The following XPO1 variants were observed in gnomAD, a reference collection of about 807,000 sequenced individuals.
XPO1 encodes exportin 1.
A neutral mutation model predicts 133.3 loss-of-function variants in XPO1; 5 were observed. The ratio of observed to expected loss-of-function variants is 0.04; its 90% CI spans 0.02 to 0.08. XPO1 has a LOEUF of 0.08. XPO1 is among the 10% of genes least tolerant of loss of function. The probability of loss-of-function intolerance (pLI) is 1.00; values close to 1 mark genes in which losing one functional copy is unlikely to be tolerated. For synonymous variants in XPO1, 419 were observed against 408.2 expected, an observed-to-expected ratio of 1.03 and a Z score of -0.32; for missense variants, 506 against 1,267.5, an observed-to-expected ratio of 0.40 and a Z score of 9.12.
At chr2:61,479,880 T>C (rs1000991392) in intron 24 of XPO1, among the ~76,000 whole-genome samples, 1 of 151,268 alleles carries the variant, frequency 6.6e-6, no homozygotes, top group African/African-American at 2.4e-5. Context: ...TCTCTTTTCT[T>C]TTGAGAGGCA....
chr2:61,501,923 C>T, intron 6 of XPO1, 73 bp downstream of exon 6: 2 of 1,290,980 alleles, frequency 1.5e-6, no homozygotes, highest in Non-Finnish European at 2.2e-6. Flanking sequence ...ACTTTATTTC[C>T]TAAGTAGGTC....
intron 24 of XPO1, 121 bp downstream of exon 24, chr2:61,481,064 C>T (rs1696325141): frequency 8.7e-6 from 5 of 574,840 alleles, no homozygotes; most frequent in African/African-American, 1.9e-5. Flanking sequence ...ATTGTGTAAA[C>T]GTATTATCTT....
At chr2:61,495,213 A>G (rs1298700366) in intron 11 of XPO1, among the ~76,000 whole-genome samples, 1 of 152,160 alleles carries the variant, frequency 6.6e-6, no homozygotes, top group African/African-American at 2.4e-5. Flanking sequence ...AACCTTAGAA[A>G]TGATATAATA....
At chr2:61,524,567 C>A (rs1460403775) in intron 3 of XPO1, among the ~76,000 whole-genome samples, 1 of 152,204 alleles carries the variant, frequency 6.6e-6, no homozygotes, top group Non-Finnish European at 1.5e-5. Context: ...AAAATCCAAT[C>A]TCTCCCAGAC....
chr2:61,481,936 C>T (rs1696381022), intron 23 of XPO1, among the ~76,000 whole-genome samples: 1 of 150,866 alleles, frequency 6.6e-6, no homozygotes, highest in Non-Finnish European at 1.5e-5. Context: ...GGGGTTTCAC[C>T]ATCTTGGCCA....
Position 61,496,859 on chromosome 2 carries a change from T to G in XPO1, c.888+20A>C. 1 of 1,532,468 alleles carries G rather than the reference T, an allele frequency of 6.5e-7. No homozygotes were observed. The highest frequency in any genetic ancestry group is 8.8e-7 in the Non-Finnish European group (1 of 1,142,024). 94.9% of individuals were successfully genotyped at this position (1,532,468 alleles called of 1,614,324 possible). ...GGCACTAAAATTATTCAGCCAATTT[T>G]CAAGATAGTATTATATTACCTGCTT... On this transcript the variant is annotated intron_variant, in intron 10 of 24. Transcript: ENST00000401558.
At chr2:61,500,115 T>C (rs1283860101) in intron 6 of XPO1, among the ~76,000 whole-genome samples, 2 of 152,210 alleles carry the variant, frequency 1.3e-5, no homozygotes, top group Non-Finnish European at 2.9e-5. Context: ...CCCTTTTCAA[T>C]TATCCTAATG....
intron 3 of XPO1, chr2:61,525,332 T>A: frequency 1.0e-6 from 1 of 987,010 alleles, no homozygotes. Flanking sequence ...CCCCTTTTCT[T>A]CCTATTACAA....
At position 61,531,010 on chromosome 2, in the gene XPO1, T is replaced by C. The variant is rs114859469; in HGVS notation, c.126+2762A>G. 7.7e-3 allele frequency among the ~76,000 whole-genome samples: 1,174 copies of C among 152,262 alleles called. 15 individuals carry two copies. The highest frequency in any genetic ancestry group is 0.026 in the African/African-American group (1,068 of 41,556). ...TTGTAGGACAGGTCATATTTGTACA[T>C]GGGACTTAAGCAATGACTAGAGAGA... On this transcript the variant is annotated intron_variant, in intron 2 of 24. Transcript: ENST00000401558.
At chr2:61,516,861 CTTT>C (rs375167349) in intron 4 of XPO1, among the ~76,000 whole-genome samples, 4 of 151,180 alleles carry the variant, frequency 2.6e-5, no homozygotes, top group African/African-American at 7.3e-5. Flanking sequence ...GAGGCTTCCT[CTTT>C]TTTTTTATTT....
At chr2:61,519,279 T>C (rs757074748) in intron 4 of XPO1, among the ~76,000 whole-genome samples, 1 of 152,150 alleles carries the variant, frequency 6.6e-6, no homozygotes, top group Non-Finnish European at 1.5e-5. Flanking sequence ...TTTATTCTCC[T>C]GTGACCCACT....
chr2:61,532,695 C>T (rs996969049), intron 2 of XPO1, among the ~76,000 whole-genome samples: 1 of 151,364 alleles, frequency 6.6e-6, no homozygotes, highest in African/African-American at 2.4e-5. Flanking sequence ...ATTAGCTGGG[C>T]ATGGTGGCGC....
At position 61,491,994 on chromosome 2, in the gene XPO1, G is replaced by C. The variant is rs762037264; in HGVS notation, c.1887+41C>G. On this transcript the variant is annotated intron_variant, in intron 16 of 24. Coordinates refer to ENST00000401558, the MANE Select transcript of XPO1 (RefSeq NM_003400.4). ...TTGATACATACAGATTGATACAAGT[G>C]TTACTTTCTAAAAATAACATATGCT... The C allele has an allele frequency of 5.6e-6, 9 of 1,604,992 alleles. No individual in the cohort carries two copies. In the East Asian group the frequency reaches 1.8e-4, roughly 32 times the overall value.
intron 4 of XPO1, among the ~76,000 whole-genome samples, chr2:61,519,714 A>AAAC (rs1246099655): frequency 2.0e-5 from 3 of 151,110 alleles, no homozygotes; most frequent in African/African-American, 7.3e-5. Context: ...AAAAAAAAAA[A>AAAC]AAAAAAAAAC....
intron 3 of XPO1, chr2:61,526,141 T>C (rs1573217567): frequency 8.5e-7 from 1 of 1,176,024 alleles, no homozygotes; most frequent in East Asian, 4.4e-5. Context: ...ATTCAGAATT[T>C]ATGCTACTTA....
At chr2:61,531,507 C>A (rs976818217) in intron 2 of XPO1, among the ~76,000 whole-genome samples, 1 of 152,154 alleles carries the variant, frequency 6.6e-6, no homozygotes, top group Non-Finnish European at 1.5e-5. Context: ...GCCACTAATT[C>A]TGTTACAAGC....
chr2:61,518,392 A>AC (rs1018148591), intron 4 of XPO1, among the ~76,000 whole-genome samples: 5 of 138,858 alleles, frequency 3.6e-5, no homozygotes, highest in African/African-American at 1.2e-4. Flanking sequence ...CTCTACTAAA[A>AC]AAAAAAACAA....
chr2:61,517,955 T>A (rs970364427), intron 4 of XPO1, among the ~76,000 whole-genome samples: 1 of 151,766 alleles, frequency 6.6e-6, no homozygotes, highest in East Asian at 1.9e-4. Context: ...GGCGAAACCC[T>A]GTCCTTACTA....
intron 19 of XPO1, among the ~76,000 whole-genome samples, chr2:61,486,860 G>T (rs995378100): frequency 6.6e-6 from 1 of 152,110 alleles, no homozygotes. Context: ...AACTGGACTT[G>T]AGCTGGGGTG....
Sources: allele counts gnomAD v4.1 joint callset (sites outside exome capture counted in the v4.1 genomes callset), GRCh38; gene constraint gnomAD v4.1.1; transcripts MANE v1.5; gene names NCBI Gene and HGNC (gene_info 2026-07-23, HGNC 2026-07-21).